The following ARHGEF28 variants were observed in gnomAD, a reference collection of about 807,000 sequenced individuals.
The protein encoded by ARHGEF28 is 190 kDa guanine nucleotide exchange factor.
A neutral mutation model predicts 206.6 loss-of-function variants in ARHGEF28; 152 were observed. The ratio of observed to expected loss-of-function variants is 0.74; its 90% CI spans 0.64 to 0.84. The LOEUF (loss-of-function observed/expected upper bound fraction) is 0.84. ARHGEF28 is among the 40% of genes least tolerant of loss of function. The probability of loss-of-function intolerance (pLI) is 0.00; values close to 1 mark genes in which losing one functional copy is unlikely to be tolerated. For missense variants in ARHGEF28, 2,028 were observed against 2,073.2 expected, an observed-to-expected ratio of 0.98 and a Z score of 0.42; for synonymous variants, 763 against 776.4, an observed-to-expected ratio of 0.98 and a Z score of 0.29.
chr5:73,728,979 T>G (rs769573168), intron 2 of ARHGEF28, among the ~76,000 whole-genome samples: 1 of 152,180 alleles, frequency 6.6e-6, no homozygotes, highest in Non-Finnish European at 1.5e-5. Flanking sequence ...GCCCTGGATA[T>G]GATAAGAGGC....
chr5:73,885,668 C>T (rs1263559304), intron 24 of ARHGEF28, among the ~76,000 whole-genome samples, 182 bp from the exon 25 acceptor site: 1 of 151,848 alleles, frequency 6.6e-6, no homozygotes, highest in African/African-American at 2.4e-5. Flanking sequence ...TTGGTAGAAA[C>T]AGGGTTTTGC....
intron 2 of ARHGEF28, among the ~76,000 whole-genome samples, chr5:73,712,276 A>G (rs1298574967): frequency 6.6e-6 from 1 of 152,186 alleles, no homozygotes; most frequent in Non-Finnish European, 1.5e-5. Context: ...TTTGGTATTA[A>G]TATAATTCTA....
intron 35 of ARHGEF28, among the ~76,000 whole-genome samples, chr5:73,935,358 A>T (rs1365737673): frequency 6.6e-6 from 1 of 152,170 alleles, no homozygotes; most frequent in Non-Finnish European, 1.5e-5. Flanking sequence ...TTATAATACT[A>T]ATTTAGAGTG....
intron 35 of ARHGEF28, among the ~76,000 whole-genome samples, chr5:73,915,606 T>C (rs959150668): frequency 7.9e-5 from 12 of 152,178 alleles, no homozygotes; most frequent in African/African-American, 2.9e-4. Context: ...CCCTATGAGA[T>C]GCTCAACAGC....
intron 1 of ARHGEF28, among the ~76,000 whole-genome samples, chr5:73,643,305 C>T (rs1472179775): frequency 1.3e-5 from 2 of 152,126 alleles, no homozygotes; most frequent in Non-Finnish European, 2.9e-5. Flanking sequence ...CATAAGTGAA[C>T]ATTTTATACT....
At chr5:73,923,088 C>A in intron 35 of ARHGEF28, 2 of 1,535,474 alleles carry the variant, frequency 1.3e-6, no homozygotes, top group East Asian at 2.4e-5. Context: ...TGCATTCAGG[C>A]TCCAGTATGA....
intron 22 of ARHGEF28, among the ~76,000 whole-genome samples, chr5:73,874,217 ATTGT>A (rs899003402): frequency 6.6e-6 from 1 of 151,346 alleles, no homozygotes; most frequent in African/African-American, 2.4e-5. Flanking sequence ...TTCTAATTGG[ATTGT>A]TTGTTTTCTT....
chr5:73,640,498 TG>T (rs1169855172), intron 1 of ARHGEF28, among the ~76,000 whole-genome samples: 6 of 152,198 alleles, frequency 3.9e-5, no homozygotes. Context: ...AACTTTCTTC[TG>T]TATTATTAAT....
At chr5:73,776,416 C>T in intron 5 of ARHGEF28, 100 bp from the exon 6 acceptor site, 3 of 1,080,542 alleles carry the variant, frequency 2.8e-6, no homozygotes, top group Admixed American at 2.7e-5. Flanking sequence ...ATCATTTTGC[C>T]AGTTGGATTT....
intron 1 of ARHGEF28, among the ~76,000 whole-genome samples, chr5:73,659,858 C>G (rs1745479013): frequency 6.6e-6 from 1 of 151,860 alleles, no homozygotes; most frequent in Non-Finnish European, 1.5e-5. Context: ...TACTTTATTG[C>G]CAAAAAATGC....
intron 35 of ARHGEF28, among the ~76,000 whole-genome samples, chr5:73,915,106 G>T (rs1450729508): frequency 6.6e-6 from 1 of 152,064 alleles, no homozygotes; most frequent in African/African-American, 2.4e-5. Context: ...GTAATGCCTA[G>T]TGGGATGTTC....
intron 28 of ARHGEF28, 117 bp from the exon 29 acceptor site, chr5:73,894,276 G>A (rs933287380): frequency 9.7e-7 from 1 of 1,028,220 alleles, no homozygotes; most frequent in Non-Finnish European, 1.4e-6. Context: ...CATCAACCTG[G>A]GTTTTCTCTT....
intron 1 of ARHGEF28, among the ~76,000 whole-genome samples, chr5:73,666,740 C>G (rs1420544441): frequency 6.6e-6 from 1 of 152,054 alleles, no homozygotes; most frequent in Non-Finnish European, 1.5e-5. Flanking sequence ...CTGCCAGAAG[C>G]CCAAAACAGA....
chr5:73,851,217 G>A (rs1561456230), intron 13 of ARHGEF28, among the ~76,000 whole-genome samples: 1 of 152,114 alleles, frequency 6.6e-6, no homozygotes, highest in Non-Finnish European at 1.5e-5. Flanking sequence ...GTTTTGAATA[G>A]TCCTAAAAAT....
chr5:73,911,007 T>G (rs1762868718), intron 34 of ARHGEF28, among the ~76,000 whole-genome samples: 1 of 152,238 alleles, frequency 6.6e-6, no homozygotes, highest in Non-Finnish European at 1.5e-5. Context: ...CTGCTTTCTC[T>G]GATTAAAATA....
chr5:73,911,599 C>G (rs772973595), intron 35 of ARHGEF28, 24 bp downstream of exon 35: 2 of 1,555,582 alleles, frequency 1.3e-6, no homozygotes, highest in South Asian at 2.4e-5. Context: ...TAAACATCAT[C>G]TGTATAGTTT....
intron 1 of ARHGEF28, among the ~76,000 whole-genome samples, chr5:73,654,641 CA>C (rs1337744875): frequency 6.6e-6 from 1 of 152,164 alleles, no homozygotes; most frequent in African/African-American, 2.4e-5. Flanking sequence ...TTGGGGAAGT[CA>C]TCAGACTTTT....
intron 2 of ARHGEF28, among the ~76,000 whole-genome samples, chr5:73,725,128 T>G (rs1750197042): frequency 6.6e-6 from 1 of 152,242 alleles, no homozygotes; most frequent in Non-Finnish European, 1.5e-5. Context: ...TATTTACCAA[T>G]TGTTTGGTGT....
intron 7 of ARHGEF28, among the ~76,000 whole-genome samples, chr5:73,792,462 C>T (rs758910291): frequency 4.6e-5 from 7 of 151,980 alleles, no homozygotes; most frequent in East Asian, 1.9e-4. Flanking sequence ...ACTGTTCTTC[C>T]GAATAAATGC....
Sources: gnomAD v4.1 joint callset for allele counts (sites outside exome capture counted in the v4.1 genomes callset) on GRCh38, gnomAD v4.1.1 for gene constraint, MANE v1.5 for transcripts, NCBI Gene and HGNC (gene_info 2026-07-23, HGNC 2026-07-21) for gene names.